The following MAGI2 variants were observed in gnomAD, a reference collection of about 807,000 sequenced individuals.
The protein encoded by MAGI2 is membrane-associated guanylate kinase, WW and PDZ domain-containing protein 2.
MAGI2 carries 35 observed loss-of-function variants against 133.3 expected under a neutral mutation model. The observed-to-expected ratio is 0.26, with a 90% confidence interval of 0.20 to 0.35. The LOEUF (loss-of-function observed/expected upper bound fraction) is 0.35. Among genes scored for constraint, MAGI2 ranks in the 10% least tolerant of loss-of-function variants. The pLI, the probability that MAGI2 is intolerant of heterozygous loss-of-function variation, is 1.00. For missense variants in MAGI2, 1,636 were observed against 1,863.4 expected, an observed-to-expected ratio of 0.88 and a Z score of 2.25; for synonymous variants, 729 against 710.6, an observed-to-expected ratio of 1.03 and a Z score of -0.41.
intron 9 of MAGI2, among the ~76,000 whole-genome samples, chr7:78,267,321 G>A (rs1450831209): frequency 6.6e-6 from 1 of 152,090 alleles, no homozygotes; most frequent in Non-Finnish European, 1.5e-5. Context: ...GAACAAATGT[G>A]CCATGCTAAA....
chr7:78,450,232 T>G (rs1242608065), intron 6 of MAGI2, among the ~76,000 whole-genome samples: 2 of 152,008 alleles, frequency 1.3e-5, no homozygotes, highest in Non-Finnish European at 2.9e-5. Flanking sequence ...ATGCATAACA[T>G]TCATATGATT....
chr7:78,475,429 A>T (rs529021881), intron 6 of MAGI2, among the ~76,000 whole-genome samples: 2 of 152,108 alleles, frequency 1.3e-5, no homozygotes, highest in South Asian at 4.1e-4. Flanking sequence ...TTTATTAAGT[A>T]TAAGAAATAT....
chr7:79,380,475 C>G (rs566026428), intron 1 of MAGI2, among the ~76,000 whole-genome samples: 4 of 151,892 alleles, frequency 2.6e-5, no homozygotes, highest in African/African-American at 9.6e-5. Flanking sequence ...CACACTTGCT[C>G]TTGCCCATTA....
chr7:78,949,881 C>T (rs1801726110), intron 2 of MAGI2, among the ~76,000 whole-genome samples: 1 of 152,156 alleles, frequency 6.6e-6, no homozygotes, highest in African/African-American at 2.4e-5. Context: ...TAAGGCCTTG[C>T]TCCCCTTCGG....
chr7:78,638,074 AAAAAG>A (rs770822385), intron 2 of MAGI2, among the ~76,000 whole-genome samples: 10 of 152,182 alleles, frequency 6.6e-5, no homozygotes, highest in Admixed American at 2.0e-4. Flanking sequence ...AGAAAAAAAT[AAAAAG>A]AAAAGAAAAG....
intron 2 of MAGI2, among the ~76,000 whole-genome samples, chr7:78,838,182 C>T (rs915522333): frequency 3.9e-5 from 6 of 152,054 alleles, no homozygotes; most frequent in African/African-American, 9.7e-5. Flanking sequence ...TAGACTAACA[C>T]GTCAACCTTT....
At chr7:78,160,308 CT>C in intron 15 of MAGI2, 35 bp from the exon 16 acceptor site, 1 of 1,531,212 alleles carries the variant, frequency 6.5e-7, no homozygotes, top group Non-Finnish European at 8.8e-7. Flanking sequence ...AATCAATTAC[CT>C]TACAAGGGTC....
At chr7:79,291,633 T>C (rs528399735) in intron 1 of MAGI2, among the ~76,000 whole-genome samples, 37 of 152,296 alleles carry the variant, frequency 2.4e-4, no homozygotes, top group African/African-American at 8.4e-4. Context: ...GATATCACAT[T>C]GTGTTTTAAA....
chr7:78,530,586 C>G (rs1004064534), intron 3 of MAGI2, among the ~76,000 whole-genome samples: 1 of 152,090 alleles, frequency 6.6e-6, no homozygotes, highest in African/African-American at 2.4e-5. Flanking sequence ...TGGAAACAGA[C>G]AATACTCATA....
chr7:78,162,016 C>T (rs1324937565), intron 15 of MAGI2, among the ~76,000 whole-genome samples: 1 of 150,496 alleles, frequency 6.6e-6, no homozygotes, highest in Non-Finnish European at 1.5e-5. Context: ...TGGTGCATCA[C>T]ATGTCCTTTA....
chr7:79,112,948 G>C (rs539482121), intron 1 of MAGI2, among the ~76,000 whole-genome samples: 1 of 152,146 alleles, frequency 6.6e-6, no homozygotes, highest in African/African-American at 2.4e-5. Flanking sequence ...TATTTATTTA[G>C]TACATGAACT....
At chr7:78,580,642 A>C (rs977336386) in intron 3 of MAGI2, among the ~76,000 whole-genome samples, 1 of 152,180 alleles carries the variant, frequency 6.6e-6, no homozygotes, top group African/African-American at 2.4e-5. Flanking sequence ...AGTTAGAAAA[A>C]ACTTGAGCTA....
intron 9 of MAGI2, among the ~76,000 whole-genome samples, chr7:78,337,318 T>C (rs982254479): frequency 2.0e-5 from 3 of 152,180 alleles, no homozygotes; most frequent in Admixed American, 6.5e-5. Context: ...GGCTCAGTGA[T>C]TGTCAATAAG....
intron 6 of MAGI2, among the ~76,000 whole-genome samples, chr7:78,387,882 C>T (rs1263700450): frequency 3.3e-5 from 5 of 151,794 alleles, no homozygotes; most frequent in African/African-American, 1.2e-4. Flanking sequence ...TCCCAGATCA[C>T]GCCACTGCAC....
At chr7:79,071,156 T>C (rs1176759662) in intron 1 of MAGI2, among the ~76,000 whole-genome samples, 1 of 152,232 alleles carries the variant, frequency 6.6e-6, no homozygotes, top group Non-Finnish European at 1.5e-5. Flanking sequence ...TTGTTGATGT[T>C]GCTACTATTC....
intron 2 of MAGI2, among the ~76,000 whole-genome samples, chr7:78,839,090 G>A (rs1791902831): frequency 6.6e-6 from 1 of 151,952 alleles, no homozygotes; most frequent in South Asian, 2.1e-4. Context: ...AGTGAGGGTG[G>A]AATGGGAGGA....
chr7:79,024,899 C>T (rs1056348740), intron 1 of MAGI2, among the ~76,000 whole-genome samples: 12 of 151,938 alleles, frequency 7.9e-5, no homozygotes, highest in African/African-American at 2.7e-4. Context: ...TTATGCATTG[C>T]TGCTGGGAAT....
chr7:78,432,192 T>C (rs73370247), intron 6 of MAGI2, among the ~76,000 whole-genome samples: 6,992 of 150,382 alleles, frequency 0.046, 256 homozygotes, highest in African/African-American at 0.099. Flanking sequence ...GAACACATAA[T>C]CCAGTGCAGG....
At chr7:78,324,035 A>G (rs1433579608) in intron 9 of MAGI2, among the ~76,000 whole-genome samples, 1 of 152,186 alleles carries the variant, frequency 6.6e-6, no homozygotes, top group Non-Finnish European at 1.5e-5. Flanking sequence ...AGACAAGGGT[A>G]TATTAGTAAA....
Sources: allele counts gnomAD v4.1 joint callset (sites outside exome capture counted in the v4.1 genomes callset), GRCh38; gene constraint gnomAD v4.1.1; transcripts MANE v1.5; gene names NCBI Gene and HGNC (gene_info 2026-07-23, HGNC 2026-07-21).